PDE1C: variants seen among roughly 807,000 people sequenced by gnomAD.
PDE1C encodes dual specificity calcium/calmodulin-dependent 3',5'-cyclic nucleotide phosphodiesterase 1C.
Under a neutral mutation model 93.1 loss-of-function variants are expected in PDE1C, and 62 were observed. That is an observed-to-expected ratio of 0.67 (90% CI 0.54 to 0.82). The LOEUF (loss-of-function observed/expected upper bound fraction) is 0.82. Among genes scored for constraint, PDE1C ranks in the 40% least tolerant of loss-of-function variants. The pLI is 0.00. For missense variants in PDE1C, 742 were observed against 884.6 expected (o/e 0.84, Z 2.04); for synonymous variants, 325 against 310.1 (o/e 1.05, Z -0.50).
intron 2 of PDE1C, among the ~76,000 whole-genome samples, chr7:32,031,534 A>G (rs961844971): frequency 5.3e-5 from 8 of 152,150 alleles, no homozygotes; most frequent in African/African-American, 1.9e-4. Flanking sequence ...AAGTGTTAAC[A>G]GCCAGTTCCT....
chr7:31,979,785 CAAAG>C (rs1429465917), intron 2 of PDE1C, among the ~76,000 whole-genome samples: 1 of 152,118 alleles, frequency 6.6e-6, no homozygotes, highest in African/African-American at 2.4e-5. Context: ...GCCAAGGAAA[CAAAG>C]AAGGAGCAGA....
intron 1 of PDE1C, among the ~76,000 whole-genome samples, chr7:32,270,504 C>A (rs1416098392): frequency 6.6e-6 from 1 of 152,108 alleles, no homozygotes; most frequent in Non-Finnish European, 1.5e-5. Flanking sequence ...TCAAGGCACC[C>A]CAAAGACCGT....
At chr7:31,961,680 C>T (rs1808999371) in intron 2 of PDE1C, among the ~76,000 whole-genome samples, 1 of 152,108 alleles carries the variant, frequency 6.6e-6, no homozygotes, top group Non-Finnish European at 1.5e-5. Flanking sequence ...TTCCCCTTCC[C>T]CCACACACTT....
In PDE1C at chr7:32,336,608, A is replaced by C. The variant is rs561582672; in HGVS notation, c.310+91214T>G. Among the ~76,000 whole-genome samples the C allele has an allele frequency of 2.3e-4, 35 of 152,336 alleles. No homozygotes were observed. The South Asian group carries it at 7.3e-3, about 32-fold the overall frequency. On this transcript the variant is annotated intron_variant, in intron 1 of 1. Coordinates refer to the PDE1C transcript ENST00000672256. Reference sequence around the variant, plus strand: ...TGTGTATACCTCTGTGAAGGAAAAAAACAAAGCTAAATAACATAGAACAAG... The same window carrying C: ...TGTGTATACCTCTGTGAAGGAAAAACACAAAGCTAAATAACATAGAACAAG...
intron 1 of PDE1C, among the ~76,000 whole-genome samples, chr7:32,395,282 A>G (rs897415334): frequency 2.0e-5 from 3 of 152,212 alleles, no homozygotes; most frequent in Non-Finnish European, 4.4e-5. Context: ...AAACAGGTAC[A>G]GGGGGAAGTG....
chr7:32,364,671 C>G (rs1784196083), intron 1 of PDE1C, among the ~76,000 whole-genome samples: 1 of 152,216 alleles, frequency 6.6e-6, no homozygotes, highest in Non-Finnish European at 1.5e-5. Flanking sequence ...GCACTCCCCA[C>G]CCACTACTTA....
chr7:31,871,704 A>AAG (rs893238980), intron 6 of PDE1C, among the ~76,000 whole-genome samples: 2 of 151,802 alleles, frequency 1.3e-5, no homozygotes, highest in African/African-American at 4.8e-5. Flanking sequence ...AAAAAAAAAA[A>AAG]AAGATGCACT....
intron 1 of PDE1C, among the ~76,000 whole-genome samples, chr7:32,237,199 G>C (rs1426804566): frequency 6.7e-6 from 1 of 149,532 alleles, no homozygotes; most frequent in East Asian, 2.0e-4. Flanking sequence ...CCATTTTCCT[G>C]CCTCAGCCTC....
the PDE1C span, among the ~76,000 whole-genome samples, chr7:31,636,828 T>G: frequency 1.3e-5 from 2 of 151,364 alleles, no homozygotes; most frequent in East Asian, 3.9e-4. Context: ...GCTGCACCCA[T>G]TAACTCATCA....
At chr7:32,241,102 A>G (rs1054167206) in intron 1 of PDE1C, among the ~76,000 whole-genome samples, 5 of 152,176 alleles carry the variant, frequency 3.3e-5, no homozygotes, top group African/African-American at 1.2e-4. Context: ...TGGTTTATCT[A>G]TGTTCTGTCT....
At chr7:32,320,741 T>C (rs1467902236) in intron 1 of PDE1C, among the ~76,000 whole-genome samples, 3 of 152,230 alleles carry the variant, frequency 2.0e-5, no homozygotes, top group Non-Finnish European at 4.4e-5. Context: ...CCACTATTCA[T>C]ATAAACACAT....
chr7:32,133,203 T>C (rs1264138473), intron 3 of PDE1C, among the ~76,000 whole-genome samples: 1 of 152,202 alleles, frequency 6.6e-6, no homozygotes, highest in African/African-American at 2.4e-5. Context: ...ACATGAGCTA[T>C]ATCTGCTTCT....
chr7:31,920,125 G>C (rs1802415197), intron 2 of PDE1C, among the ~76,000 whole-genome samples: 1 of 152,088 alleles, frequency 6.6e-6, no homozygotes, highest in Admixed American at 6.5e-5. Flanking sequence ...TTCAGACAAG[G>C]GCTAGGGTTG....
intron 1 of PDE1C, among the ~76,000 whole-genome samples, chr7:32,307,106 C>A (rs1813024239): frequency 6.6e-6 from 1 of 152,206 alleles, no homozygotes; most frequent in Non-Finnish European, 1.5e-5. Flanking sequence ...TTATTGTACA[C>A]CTACTATGTG....
the PDE1C span, among the ~76,000 whole-genome samples, chr7:31,636,884 C>G: frequency 8.7e-6 from 1 of 115,224 alleles, no homozygotes; most frequent in Non-Finnish European, 1.8e-5. Flanking sequence ...CCCCCTCCCC[C>G]CTCCCCCCAC....
At chr7:31,749,336 A>G (rs1302086491), downstream of PDE1C, among the ~76,000 whole-genome samples, 6 of 152,048 alleles carry the variant, frequency 3.9e-5, no homozygotes, top group Non-Finnish European at 8.8e-5. Flanking sequence ...GAAAGGATAT[A>G]TTTATTGGGT....
Position 32,177,422 on chromosome 7 carries a change from T to C in PDE1C, c.137-7466A>G, listed in dbSNP as rs184444178. 2.0e-3 allele frequency among the ~76,000 whole-genome samples: 297 copies of C among 152,276 alleles called. 2 individuals are homozygous for C. The highest frequency in any genetic ancestry group is 6.8e-3 in the African/African-American group (282 of 41,548). ...CTGCCCTATGCGCATATGCCAGACATGCCTGGTTCCAGGCAACCCAATAAT... is the reference window on the plus strand; with the variant it reads ...CTGCCCTATGCGCATATGCCAGACACGCCTGGTTCCAGGCAACCCAATAAT... On this transcript the variant is annotated intron_variant, in intron 2 of 18. Coordinates refer to the PDE1C transcript ENST00000396193.
chr7:32,211,915 A>C (rs1806061276), intron 1 of PDE1C, among the ~76,000 whole-genome samples: 1 of 151,156 alleles, frequency 6.6e-6, no homozygotes, highest in African/African-American at 2.4e-5. Flanking sequence ...AATGCCAGCT[A>C]CTCGGGAAGC....
chr7:32,222,876 G>A (rs748072365), intron 1 of PDE1C, among the ~76,000 whole-genome samples: 20 of 151,800 alleles, frequency 1.3e-4, no homozygotes, highest in Non-Finnish European at 2.4e-4. Context: ...CCCCCTACTC[G>A]CCCCTCCCCA....
Sources: allele counts gnomAD v4.1 joint callset (sites outside exome capture counted in the v4.1 genomes callset), GRCh38; gene constraint gnomAD v4.1.1; transcripts MANE v1.5; gene names NCBI Gene and HGNC (gene_info 2026-07-23, HGNC 2026-07-21).